The following RELL1 variants were observed in gnomAD, a reference collection of about 807,000 sequenced individuals.
RELL1 encodes the protein RELT-like protein 1.
RELL1 carries 10 observed loss-of-function variants against 23.0 expected under a neutral mutation model. The ratio of observed to expected loss-of-function variants is 0.43; its 90% CI spans 0.27 to 0.74. The LOEUF is 0.74. RELL1 is among the 30% of genes least tolerant of loss of function. RELL1 has a pLI of 0.19. For synonymous variants in RELL1, 146 were observed against 146.8 expected (o/e 0.99, Z 0.04); for missense variants, 315 against 364.4 (o/e 0.86, Z 1.10).
intron 6 of RELL1, among the ~76,000 whole-genome samples, chr4:37,596,973 C>G (rs1718880771): frequency 6.6e-6 from 1 of 151,612 alleles, no homozygotes; most frequent in African/African-American, 2.4e-5. Flanking sequence ...GTCTCGAACT[C>G]CCCACCTCAG....
At chr4:37,618,610 T>C (rs1315836778) in intron 6 of RELL1, among the ~76,000 whole-genome samples, 8 of 152,292 alleles carry the variant, frequency 5.3e-5, no homozygotes, top group Admixed American at 5.2e-4. Context: ...TAATCTCCCA[T>C]TGATAGATGT....
At chr4:37,602,641 TC>T (rs947662160) in intron 6 of RELL1, among the ~76,000 whole-genome samples, 2 of 152,084 alleles carry the variant, frequency 1.3e-5, no homozygotes. Context: ...AGTCGCGCCC[TC>T]GGTAGGGGTG....
intron 6 of RELL1, among the ~76,000 whole-genome samples, chr4:37,593,362 A>G (rs1247190770): frequency 1.3e-5 from 2 of 152,192 alleles, no homozygotes; most frequent in Non-Finnish European, 2.9e-5. Context: ...TGACCCACGT[A>G]TCAATGACCC....
intron 6 of RELL1, among the ~76,000 whole-genome samples, chr4:37,602,267 G>A (rs575699626): frequency 1.4e-5 from 2 of 142,340 alleles, no homozygotes; most frequent in Admixed American, 1.4e-4. Context: ...TCTTCCCTCC[G>A]CACATTCCCT....
chr4:37,667,927 C>A (rs1721593314), intron 1 of RELL1, among the ~76,000 whole-genome samples: 1 of 151,850 alleles, frequency 6.6e-6, no homozygotes, highest in Non-Finnish European at 1.5e-5. Flanking sequence ...TTTGTCATCA[C>A]CCACTTTGTC....
At chr4:37,598,062 AATATATATATATCATAAT>A (rs1435102087) in intron 6 of RELL1, among the ~76,000 whole-genome samples, 2 of 116,870 alleles carry the variant, frequency 1.7e-5, no homozygotes, top group East Asian at 2.5e-4. Context: ...AATGATATGT[AATATATATATATCATAAT>A]ATATATATAT....
intron 6 of RELL1, among the ~76,000 whole-genome samples, chr4:37,620,610 A>G (rs568303779): frequency 8.5e-5 from 13 of 152,320 alleles, no homozygotes; most frequent in Middle Eastern, 3.4e-3. Flanking sequence ...GAATAGTACC[A>G]TCTCTTTCTA....
chr4:37,668,505 C>G (rs1243301658), intron 1 of RELL1, among the ~76,000 whole-genome samples: 4 of 151,932 alleles, frequency 2.6e-5, no homozygotes, highest in African/African-American at 9.7e-5. Context: ...GACGGAGTCT[C>G]CTTCACTCAG....
At chr4:37,600,650 C>T (rs1718990528) in intron 6 of RELL1, among the ~76,000 whole-genome samples, 1 of 151,916 alleles carries the variant, frequency 6.6e-6, no homozygotes, top group Admixed American at 6.6e-5. Context: ...TTCCTCATGC[C>T]CCAAATAAGA....
In RELL1 at chr4:37,635,127, A is replaced by G. The variant is rs769130789; in HGVS notation, c.444-4T>C. On this transcript the variant is annotated splice_polypyrimidine_tract_variant and splice_region_variant and intron_variant, in intron 4 of 6. Coordinates refer to ENST00000454158, the MANE Select transcript of RELL1 (RefSeq NM_001085400.2). ...TGGTGTGCTGGGGGTCACGGGGCTA[A>G]TGTGGGGAGGAAAACAAAAAGAGCA... 3.1e-6 allele frequency: 5 copies of G among 1,612,844 alleles called. No homozygotes were observed. In the South Asian group the frequency reaches 5.5e-5, roughly 18 times the overall value.
intron 1 of RELL1, among the ~76,000 whole-genome samples, chr4:37,653,838 G>A (rs1488090442): frequency 6.6e-6 from 1 of 152,204 alleles, no homozygotes; most frequent in Non-Finnish European, 1.5e-5. Flanking sequence ...AAGCTTCCCT[G>A]TGGAGAGAAA....
At chr4:37,644,176 T>C (rs1162963441) in intron 3 of RELL1, among the ~76,000 whole-genome samples, 7 of 151,880 alleles carry the variant, frequency 4.6e-5, no homozygotes, top group Non-Finnish European at 8.8e-5. Context: ...AACAACATCA[T>C]TTAAAAAGAA....
In RELL1 at chr4:37,603,815, G is replaced by GT. The variant is rs1209846262; in HGVS notation, c.*4-12599dup. Among the ~76,000 whole-genome samples, 30 of 151,684 alleles carry GT rather than the reference G, an allele frequency of 2.0e-4. 2 individuals carry two copies. The highest frequency in any genetic ancestry group is 7.3e-4 in the African/African-American group (30 of 41,234). ...GCAGTGCTGGTTGCTTTTTTTTGTT[G>GT]TTGTTGTTTGTTTGTTTGTTTGAGA... On this transcript the variant is annotated intron_variant, in intron 6 of 6. Transcript: ENST00000314117.
intron 1 of RELL1, among the ~76,000 whole-genome samples, chr4:37,679,129 A>T (rs965428662): frequency 6.6e-6 from 1 of 152,164 alleles, no homozygotes; most frequent in African/African-American, 2.4e-5. Context: ...CTACCCATCC[A>T]TCCTCCAGAA....
downstream of RELL1, among the ~76,000 whole-genome samples, chr4:37,589,275 A>G (rs1395262844): frequency 2.6e-5 from 4 of 152,210 alleles, no homozygotes; most frequent in African/African-American, 9.6e-5. Context: ...ACTTCTAACT[A>G]AGAAAAAGGG....
chr4:37,666,149 T>C (rs1302058247), intron 1 of RELL1, among the ~76,000 whole-genome samples: 6 of 152,234 alleles, frequency 3.9e-5, no homozygotes, highest in Admixed American at 1.3e-4. Flanking sequence ...CATTATCATT[T>C]CTTATCTCTA....
At chr4:37,601,296 G>A (rs941158475) in intron 6 of RELL1, among the ~76,000 whole-genome samples, 5 of 152,152 alleles carry the variant, frequency 3.3e-5, no homozygotes, top group African/African-American at 1.2e-4. Flanking sequence ...CACTACAGAG[G>A]GTTGGAACTT....
intron 6 of RELL1, among the ~76,000 whole-genome samples, chr4:37,603,627 CT>C (rs1409890173): frequency 6.6e-6 from 1 of 152,174 alleles, no homozygotes; most frequent in East Asian, 1.9e-4. Context: ...TGGAGGAAGC[CT>C]GGATGTGAAG....
intron 3 of RELL1, among the ~76,000 whole-genome samples, chr4:37,645,087 G>C (rs977569822): frequency 2.0e-5 from 3 of 152,230 alleles, no homozygotes; most frequent in Non-Finnish European, 4.4e-5. Context: ...ACCCTCATGA[G>C]TGCTATGACG....
Sources: gnomAD v4.1 joint callset for allele counts (sites outside exome capture counted in the v4.1 genomes callset) on GRCh38, gnomAD v4.1.1 for gene constraint, MANE v1.5 for transcripts, NCBI Gene and HGNC (gene_info 2026-07-23, HGNC 2026-07-21) for gene names.